The following XPO1 variants were observed in gnomAD, a reference collection of about 807,000 sequenced individuals.
XPO1 encodes the protein exportin 1.
A neutral mutation model predicts 133.3 loss-of-function variants in XPO1; 5 were observed. The observed-to-expected ratio is 0.04, with a 90% CI of 0.02 to 0.08. XPO1 has a LOEUF of 0.08. Among genes scored for constraint, XPO1 ranks in the 10% least tolerant of loss-of-function variants. The probability of loss-of-function intolerance (pLI) is 1.00; values close to 1 mark genes in which losing one functional copy is unlikely to be tolerated. For synonymous variants in XPO1, 419 were observed against 408.2 expected, an observed-to-expected ratio of 1.03 and a Z score of -0.32; for missense variants, 506 against 1,267.5, an observed-to-expected ratio of 0.40 and a Z score of 9.12.
rs372069200 is a variant in XPO1, at chr2:61,501,977, C to A, written c.408+19G>T. Reference sequence around the variant, plus strand: ...ATAAGCATAATTCTTCTAAGGAAAACAGTTAAGTTAAAGCTTACCTGAACA... The same window carrying A: ...ATAAGCATAATTCTTCTAAGGAAAAAAGTTAAGTTAAAGCTTACCTGAACA... On this transcript the variant is annotated intron_variant, in intron 6 of 24. Transcript: ENST00000401558. 8 of 1,569,648 alleles carry A rather than the reference C, an allele frequency of 5.1e-6. No homozygotes were observed. The highest frequency in any genetic ancestry group is 6.9e-6 in the Non-Finnish European group (8 of 1,153,234).
At chr2:61,536,175 C>T (rs1699347382) in intron 1 of XPO1, 1 of 152,220 alleles carries the variant, frequency 6.6e-6, no homozygotes, top group Non-Finnish European at 1.5e-5. Flanking sequence ...ATCCTTAGAA[C>T]TAGCGGCTAT....
At chr2:61,518,503 G>C (rs1228386141) in intron 4 of XPO1, among the ~76,000 whole-genome samples, 1 of 150,296 alleles carries the variant, frequency 6.7e-6, no homozygotes, top group Non-Finnish European at 1.5e-5. Flanking sequence ...TGCAGTCCCA[G>C]ATACTCAGGA....
At chr2:61,499,674 G>A (rs1257495860) in intron 7 of XPO1, 39 bp downstream of exon 7, 5 of 1,519,778 alleles carry the variant, frequency 3.3e-6, no homozygotes, top group East Asian at 2.3e-5. Context: ...AATTGTTTGA[G>A]AAATCACTTT....
chr2:61,534,738 A>C (rs1252701461), intron 1 of XPO1: 1 of 152,234 alleles, frequency 6.6e-6, no homozygotes, highest in East Asian at 1.9e-4. Context: ...GATATACAGT[A>C]ATTCCTATTG....
At chr2:61,511,915 C>A (rs1238792603) in intron 4 of XPO1, among the ~76,000 whole-genome samples, 1 of 152,002 alleles carries the variant, frequency 6.6e-6, no homozygotes, top group Non-Finnish European at 1.5e-5. Context: ...TACAGGCACA[C>A]GCCACCATGC....
intron 4 of XPO1, among the ~76,000 whole-genome samples, chr2:61,505,943 G>C (rs1307394918): frequency 6.6e-6 from 1 of 152,136 alleles, no homozygotes; most frequent in African/African-American, 2.4e-5. Context: ...AATTCCGATA[G>C]TACTAACCCT....
At chr2:61,497,733 T>C (rs1024620774) in intron 9 of XPO1, among the ~76,000 whole-genome samples, 2 of 152,196 alleles carry the variant, frequency 1.3e-5, no homozygotes, top group African/African-American at 4.8e-5. Flanking sequence ...TAAACAGTTA[T>C]CGTCTGGGGT....
chr2:61,503,867 C>A (rs942575665), intron 4 of XPO1, among the ~76,000 whole-genome samples: 2 of 152,150 alleles, frequency 1.3e-5, no homozygotes, highest in Admixed American at 6.5e-5. Context: ...AGGCCTGGCC[C>A]AAACTTCTAA....
rs529324199 is a variant in XPO1 at position 61,488,342 on chromosome 2, G to C, written c.2207-71C>G. 18 of 1,398,798 alleles carry C rather than the reference G, an allele frequency of 1.3e-5. No homozygotes were observed. The East Asian group carries it at 2.3e-4, about 18-fold the overall frequency. 86.6% of individuals were successfully genotyped at this position (1,398,798 alleles called of 1,614,324 possible). A position where few individuals can be genotyped will look rare whatever the true frequency, so the allele number is the denominator to read the frequency against. ...TACAGTGGTACTCAGGTGTACATTA[G>C]ATGCAATTCCATTTTACCATTAAAA... On this transcript the variant is annotated intron_variant, in intron 18 of 24. Coordinates refer to ENST00000401558, the MANE Select transcript of XPO1 (RefSeq NM_003400.4).
rs1328827850 is a variant in XPO1 at position 61,537,787 on chromosome 2, GC to G, written c.-233del. On this transcript the variant is annotated 5_prime_UTR_variant, in exon 1 of 25. Transcript: ENST00000401558. ...CACACACACACACACACACACACCC[GC>G]CCCCCCCCAAAAGGGGAATTAATCT... The G allele has an allele frequency of 5.7e-4, 35 of 61,010 alleles. No homozygotes were observed. Among genetic ancestry groups the G allele is most frequent in the South Asian group, 2.3e-3 (4 of 1,720 alleles). The allele number at this position is 61,010 out of a possible 1,614,324, so 3.8% of individuals were successfully genotyped here.
chr2:61,479,474 G>T, intron 24 of XPO1, among the ~76,000 whole-genome samples: 1 of 151,632 alleles, frequency 6.6e-6, no homozygotes, highest in East Asian at 1.9e-4. Flanking sequence ...CAAAAAAAAT[G>T]GTGTGATACC....
At chr2:61,502,956 GTTTCT>G (rs1317171876) in intron 4 of XPO1, among the ~76,000 whole-genome samples, 67 of 107,372 alleles carry the variant, frequency 6.2e-4, no homozygotes, top group African/African-American at 2.5e-3. Context: ...GGTTCCATGT[GTTTCT>G]TTTCTTTTTT....
chr2:61,521,750 T>TG (rs1553414530), intron 4 of XPO1, among the ~76,000 whole-genome samples: 23 of 152,170 alleles, frequency 1.5e-4, no homozygotes, highest in Non-Finnish European at 2.4e-4. Flanking sequence ...TATGGTTTTT[T>TG]TTGTTGTTGT....
intron 17 of XPO1, among the ~76,000 whole-genome samples, chr2:61,490,005 C>T (rs1338706559): frequency 6.6e-6 from 1 of 151,672 alleles, no homozygotes; most frequent in African/African-American, 2.4e-5. Flanking sequence ...ATTCTCCTGG[C>T]TCAGCCTCCC....
At chr2:61,506,984 C>T (rs1697853098) in intron 4 of XPO1, among the ~76,000 whole-genome samples, 1 of 152,008 alleles carries the variant, frequency 6.6e-6, no homozygotes, top group Non-Finnish European at 1.5e-5. Context: ...AATCCCAGCA[C>T]TTTGGGAGGC....
chr2:61,510,937 C>CAAAA lies in XPO1; in HGVS notation c.302-8631_302-8628dup, dbSNP rs1163597698. Among the ~76,000 whole-genome samples, 63 of 61,214 alleles carry CAAAA rather than the reference C, an allele frequency of 1.0e-3. 2 individuals are homozygous for CAAAA. The highest frequency in any genetic ancestry group is 3.1e-3 in the African/African-American group (57 of 18,098). The allele number at this position is 61,214 out of a possible 152,430, so 40.2% of individuals were successfully genotyped here. ...TGGGCGACAGCGTGAGACCTTATCT[C>CAAAA]AAAAAAAAAAAAAAAAAAAAAAGTT... On this transcript the variant is annotated intron_variant, in intron 4 of 24. Coordinates refer to ENST00000401558, the MANE Select transcript of XPO1 (RefSeq NM_003400.4).
At chr2:61,496,042 T>C (rs561215003) in intron 10 of XPO1, among the ~76,000 whole-genome samples, 3 of 152,216 alleles carry the variant, frequency 2.0e-5, no homozygotes, top group Non-Finnish European at 2.9e-5. Context: ...AACTCCTAGG[T>C]CCAGTATACC....
intron 23 of XPO1, 112 bp from the exon 24 acceptor site, chr2:61,481,393 C>A: frequency 1.8e-6 from 1 of 555,332 alleles, no homozygotes; most frequent in African/African-American, 2.0e-5. Flanking sequence ...ACTGTAATCT[C>A]TGCCTCCCGG....
chr2:61,494,412 GAACA>G (rs1043714326), intron 11 of XPO1: 4 of 223,708 alleles, frequency 1.8e-5, no homozygotes, highest in South Asian at 6.9e-5. Context: ...ACAGAGGAGA[GAACA>G]AACAAAATAC....
Sources: gnomAD v4.1 joint callset for allele counts (sites outside exome capture counted in the v4.1 genomes callset) on GRCh38, gnomAD v4.1.1 for gene constraint, MANE v1.5 for transcripts, NCBI Gene and HGNC (gene_info 2026-07-23, HGNC 2026-07-21) for gene names.